The following DYNC1I1 variants were observed in gnomAD, a reference collection of about 807,000 sequenced individuals.
DYNC1I1 encodes dynein cytoplasmic 1 intermediate chain 1, also known as cytoplasmic dynein 1 intermediate chain 1.
Under a neutral mutation model 86.6 loss-of-function variants are expected in DYNC1I1, and 43 were observed. That is an observed-to-expected ratio of 0.50 (90% CI 0.39 to 0.64). DYNC1I1 has a LOEUF of 0.64. Among genes scored for constraint, DYNC1I1 ranks in the 30% least tolerant of loss-of-function variants. The pLI is 0.00. For synonymous variants in DYNC1I1, 262 were observed against 283.7 expected (o/e 0.92, Z 0.77); for missense variants, 604 against 788.8 (o/e 0.77, Z 2.81).
At chr7:95,827,605 CCAGGCCCTGCAGT>C (rs1249793079) in intron 4 of DYNC1I1, among the ~76,000 whole-genome samples, 1 of 152,086 alleles carries the variant, frequency 6.6e-6, no homozygotes, top group Non-Finnish European at 1.5e-5. Flanking sequence ...CAGTTATTCA[CCAGGCCCTGCAGT>C]CATACCCCTG....
rs75339426 is a variant in DYNC1I1 at position 95,958,578 on chromosome 7, A to G, written c.491-18934A>G. The stretch of plus-strand genomic sequence containing the variant: ...CCAATCTCTTAAAAAAAAAGAAAAG[A>G]AAAGGAAATGTATACTTTATGTTGT... On this transcript the variant is annotated intron_variant, in intron 6 of 16. Coordinates refer to ENST00000447467, the MANE Select transcript of DYNC1I1 (RefSeq NM_001135556.2). 5.1e-4 allele frequency among the ~76,000 whole-genome samples: 78 copies of G among 152,282 alleles called. No individual in the cohort carries two copies. The East Asian group carries it at 0.014, about 27-fold the overall frequency.
At chr7:96,067,120 A>G (rs1790016120) in intron 14 of DYNC1I1, among the ~76,000 whole-genome samples, 1 of 152,168 alleles carries the variant, frequency 6.6e-6, no homozygotes, top group South Asian at 2.1e-4. Context: ...ATATCAGAAA[A>G]AACATGTCAT....
At chr7:96,001,635 G>A (rs373160712) in intron 10 of DYNC1I1, among the ~76,000 whole-genome samples, 58 of 152,286 alleles carry the variant, frequency 3.8e-4, no homozygotes, top group African/African-American at 1.3e-3. Context: ...AATGTAATCT[G>A]TGAGAGCTCT....
chr7:95,975,615 A>G (rs115504980), intron 6 of DYNC1I1, among the ~76,000 whole-genome samples: 1 of 152,218 alleles, frequency 6.6e-6, no homozygotes. Flanking sequence ...ATAAGGCCAC[A>G]TTCTGAGGTA....
chr7:96,061,409 A>G (rs969258908), intron 14 of DYNC1I1, among the ~76,000 whole-genome samples: 3 of 151,950 alleles, frequency 2.0e-5, no homozygotes, highest in African/African-American at 7.3e-5. Context: ...GTGTCTCTGG[A>G]CTCTCACCCA....
intron 14 of DYNC1I1, among the ~76,000 whole-genome samples, chr7:96,065,949 G>T (rs987146639): frequency 2.6e-5 from 4 of 152,184 alleles, no homozygotes; most frequent in Admixed American, 1.3e-4. Context: ...TCTTGTGAAT[G>T]TTAAACATCT....
In DYNC1I1 at chr7:96,026,431, T is replaced by TG. The variant is rs199758291; in HGVS notation, c.970-1740dup. Reference sequence around the variant, plus strand: ...CAAAAAGAGGTCATAGGTTTTTTTTTGGGGTTTTTTTGTTACTACTTTGCT... The same window carrying TG: ...CAAAAAGAGGTCATAGGTTTTTTTTTGGGGGTTTTTTTGTTACTACTTTGCT... On this transcript the variant is annotated intron_variant, in intron 10 of 16. Coordinates refer to ENST00000447467, the MANE Select transcript of DYNC1I1 (RefSeq NM_001135556.2). Among the ~76,000 whole-genome samples the TG allele has an allele frequency of 2.4e-3, 366 of 151,594 alleles. 1 individual carries two copies. The highest frequency in any genetic ancestry group is 8.3e-3 in the African/African-American group (344 of 41,338).
intron 16 of DYNC1I1, among the ~76,000 whole-genome samples, chr7:96,109,594 A>T (rs1791278879): frequency 6.6e-6 from 1 of 151,960 alleles, no homozygotes; most frequent in African/African-American, 2.4e-5. Context: ...TTTCATTTTC[A>T]TTCAGTTCAG....
At chr7:96,089,007 A>G (rs999004893) in intron 16 of DYNC1I1, among the ~76,000 whole-genome samples, 1 of 152,086 alleles carries the variant, frequency 6.6e-6, no homozygotes, top group African/African-American at 2.4e-5. Flanking sequence ...TCTTTCTCCT[A>G]ATAGTCAACC....
intron 1 of DYNC1I1, among the ~76,000 whole-genome samples, chr7:95,775,884 C>T (rs1793827364): frequency 6.6e-6 from 1 of 152,202 alleles, no homozygotes; most frequent in Admixed American, 6.5e-5. Context: ...TGAGAGTTAA[C>T]TCAAATTAAT....
At chr7:95,927,097 G>A (rs1157713633) in intron 6 of DYNC1I1, among the ~76,000 whole-genome samples, 1 of 152,076 alleles carries the variant, frequency 6.6e-6, no homozygotes. Flanking sequence ...TCTGTTTACA[G>A]ATGATTTTAT....
intron 14 of DYNC1I1, among the ~76,000 whole-genome samples, chr7:96,044,684 C>T (rs1300509755): frequency 1.3e-5 from 2 of 151,978 alleles, no homozygotes; most frequent in African/African-American, 2.4e-5. Context: ...TGTGTGTGTC[C>T]GTGTGTAGAG....
At chr7:95,965,808 C>A (rs775845794) in intron 6 of DYNC1I1, among the ~76,000 whole-genome samples, 30 of 152,060 alleles carry the variant, frequency 2.0e-4, no homozygotes, top group Non-Finnish European at 3.8e-4. Flanking sequence ...AGGAATCAAC[C>A]CAAAATTACT....
intron 1 of DYNC1I1, among the ~76,000 whole-genome samples, chr7:95,776,969 C>G (rs1295944691): frequency 6.6e-6 from 1 of 152,146 alleles, no homozygotes; most frequent in Non-Finnish European, 1.5e-5. Flanking sequence ...CCATATGGAG[C>G]CAGATAGTGG....
chr7:96,076,254 A>C, intron 15 of DYNC1I1, 57 bp downstream of exon 15: 3 of 1,594,454 alleles, frequency 1.9e-6, no homozygotes, highest in South Asian at 1.1e-5. Context: ...GCAGTCGGCC[A>C]CTCGCAGTCT....
chr7:95,870,326 A>G (rs1360888579), intron 6 of DYNC1I1, among the ~76,000 whole-genome samples: 1 of 152,366 alleles, frequency 6.6e-6, no homozygotes, highest in Non-Finnish European at 1.5e-5. Context: ...TTAAGCATAC[A>G]TTAAGAATCT....
In DYNC1I1 at chr7:95,984,879, C is replaced by CT. The variant is rs769455130; in HGVS notation, c.651dup (p.Asp218Ter). On this transcript the variant is annotated frameshift_variant, in exon 8 of 17. Transcript: ENST00000447467. LOFTEE classifies it high-confidence loss of function. ...TCCTTCATTCAGAGGAATTTCTCAT[C>CT]TTTTTTGACCGGACAATACGGGTAA... 6.2e-7 allele frequency: 1 copy of CT among 1,613,358 alleles called. No individual in the cohort carries two copies. Among genetic ancestry groups the CT allele is most frequent in the Non-Finnish European group, 8.5e-7 (1 of 1,179,668 alleles).
rs140435524 is a variant in DYNC1I1, at chr7:95,806,040, A to G, written c.108+1203A>G. 1.8e-3 allele frequency among the ~76,000 whole-genome samples: 280 copies of G among 152,306 alleles called. 1 individual carries two copies. The highest frequency in any genetic ancestry group is 6.4e-3 in the African/African-American group (265 of 41,576). On this transcript the variant is annotated intron_variant, in intron 2 of 16. Coordinates refer to ENST00000447467, the MANE Select transcript of DYNC1I1 (RefSeq NM_001135556.2). The stretch of plus-strand genomic sequence containing the variant: ...CATTTATTTGTCCTTGACATCACAC[A>G]TAATGTTTTTTCCCTTTGAGATCTT...
chr7:95,822,387 C>T (rs939622306), intron 4 of DYNC1I1, among the ~76,000 whole-genome samples: 1 of 152,050 alleles, frequency 6.6e-6, no homozygotes, highest in African/African-American at 2.4e-5. Flanking sequence ...AACAAATTGA[C>T]CCACAAATTA....
Sources: allele counts gnomAD v4.1 joint callset (sites outside exome capture counted in the v4.1 genomes callset), GRCh38; gene constraint gnomAD v4.1.1; transcripts MANE v1.5; gene names NCBI Gene and HGNC (gene_info 2026-07-23, HGNC 2026-07-21).